Variants in SHISA6 observed in about 807,000 individuals in gnomAD.
SHISA6 encodes protein shisa-6.
In SHISA6, 22 loss-of-function variants were observed where a neutral mutation model predicts 47.9. The observed-to-expected ratio is 0.46, with a 90% CI of 0.33 to 0.66. SHISA6 has a LOEUF of 0.66. SHISA6 is among the 30% of genes least tolerant of loss of function. The pLI is 0.02. For missense variants in SHISA6, 680 were observed against 764.6 expected, an observed-to-expected ratio of 0.89 and a Z score of 1.30; for synonymous variants, 388 against 337.8, an observed-to-expected ratio of 1.15 and a Z score of -1.63.
intron 3 of SHISA6, among the ~76,000 whole-genome samples, chr17:11,424,565 C>T (rs962027348): frequency 6.6e-6 from 1 of 151,748 alleles, no homozygotes; most frequent in African/African-American, 2.4e-5. Flanking sequence ...ACTGAAGTAT[C>T]AACTCTTTGT....
At chr17:11,493,475 C>T (rs908490536) in intron 3 of SHISA6, among the ~76,000 whole-genome samples, 12 of 152,232 alleles carry the variant, frequency 7.9e-5, no homozygotes, top group African/African-American at 2.9e-4. Flanking sequence ...AATCCGCCCA[C>T]CTCGACCTCC....
chr17:11,364,155 T>C (rs527528030), intron 2 of SHISA6, among the ~76,000 whole-genome samples: 6 of 152,334 alleles, frequency 3.9e-5, no homozygotes, highest in Non-Finnish European at 7.3e-5. Context: ...TAATCTTGTG[T>C]ATATAACTTA....
chr17:11,540,570 G>A (rs1046238797), intron 3 of SHISA6, among the ~76,000 whole-genome samples: 23 of 152,154 alleles, frequency 1.5e-4, no homozygotes, highest in African/African-American at 3.9e-4. Flanking sequence ...CATACATCCT[G>A]CTAACACTTT....
At chr17:11,437,365 C>T (rs376047431) in intron 3 of SHISA6, among the ~76,000 whole-genome samples, 27 of 152,280 alleles carry the variant, frequency 1.8e-4, no homozygotes, top group African/African-American at 5.8e-4. Context: ...AGAACATTCT[C>T]GAAGTGGATC....
chr17:11,243,913 C>G (rs896468563), intron 1 of SHISA6, among the ~76,000 whole-genome samples: 2 of 152,194 alleles, frequency 1.3e-5, no homozygotes, highest in Non-Finnish European at 2.9e-5. Context: ...CTGCCCTGAC[C>G]CTTCCACCTC....
intron 3 of SHISA6, among the ~76,000 whole-genome samples, chr17:11,551,600 T>A (rs2071932237): frequency 6.6e-6 from 1 of 152,092 alleles, no homozygotes; most frequent in South Asian, 2.1e-4. Flanking sequence ...AAACACTCCC[T>A]ACTCTCCATC....
At chr17:11,363,352 A>G (rs925474305) in intron 2 of SHISA6, among the ~76,000 whole-genome samples, 1 of 152,184 alleles carries the variant, frequency 6.6e-6, no homozygotes, top group South Asian at 2.1e-4. Context: ...GAAAGGAAAG[A>G]ACATTAACCA....
At chr17:11,350,124 TG>T (rs1209087561) in intron 2 of SHISA6, among the ~76,000 whole-genome samples, 1 of 151,540 alleles carries the variant, frequency 6.6e-6, no homozygotes, top group Non-Finnish European at 1.5e-5. Flanking sequence ...CCGAAGTAGC[TG>T]GGATTACAGG....
At chr17:11,331,918 T>C (rs1331017769) in intron 2 of SHISA6, among the ~76,000 whole-genome samples, 1 of 152,136 alleles carries the variant, frequency 6.6e-6, no homozygotes, top group Admixed American at 6.6e-5. Context: ...CTCTCCTCAC[T>C]CTGTGGCTCT....
intron 3 of SHISA6, among the ~76,000 whole-genome samples, chr17:11,509,719 G>A (rs1199672755): frequency 2.6e-5 from 4 of 152,140 alleles, no homozygotes; most frequent in African/African-American, 4.8e-5. Context: ...GACTTTCCTC[G>A]GAGGAAATGG....
intron 3 of SHISA6, among the ~76,000 whole-genome samples, chr17:11,484,807 G>C (rs1406775148): frequency 6.6e-6 from 1 of 152,096 alleles, no homozygotes; most frequent in Non-Finnish European, 1.5e-5. Flanking sequence ...AGCCCAAATT[G>C]GTGAAAAATC....
At chr17:11,437,535 C>T (rs2142294478) in intron 3 of SHISA6, among the ~76,000 whole-genome samples, 2 of 152,232 alleles carry the variant, frequency 1.3e-5, no homozygotes, top group South Asian at 4.1e-4. Flanking sequence ...ATCCCAGGTT[C>T]AAGTTGTTGA....
intron 3 of SHISA6, among the ~76,000 whole-genome samples, chr17:11,420,272 T>C (rs867621102): frequency 4.5e-4 from 69 of 152,270 alleles, no homozygotes; most frequent in Middle Eastern, 3.4e-3. Flanking sequence ...GCGGGACTGG[T>C]TGTATAACAT....
At chr17:11,457,954 G>C (rs996714096) in intron 3 of SHISA6, among the ~76,000 whole-genome samples, 1 of 149,924 alleles carries the variant, frequency 6.7e-6, no homozygotes, top group Non-Finnish European at 1.5e-5. Flanking sequence ...GCTTAGTGGC[G>C]GGTGCCTGTA....
chr17:11,428,693 T>A (rs983369064), intron 3 of SHISA6, among the ~76,000 whole-genome samples: 9 of 152,146 alleles, frequency 5.9e-5, no homozygotes, highest in Non-Finnish European at 1.3e-4. Flanking sequence ...TGTGTGCCTT[T>A]GGATCATGGT....
intron 3 of SHISA6, among the ~76,000 whole-genome samples, chr17:11,490,783 G>A (rs138807757): frequency 2.2e-3 from 338 of 152,362 alleles, no homozygotes; most frequent in African/African-American, 7.6e-3. Flanking sequence ...AGGAGTCCCT[G>A]TATGGGGCTA....
intron 2 of SHISA6, among the ~76,000 whole-genome samples, chr17:11,264,037 A>G (rs938812933): frequency 1.3e-5 from 2 of 152,204 alleles, no homozygotes; most frequent in South Asian, 2.1e-4. Flanking sequence ...TTGCCATAAA[A>G]TAACAATATG....
At chr17:11,515,555 A>T (rs1328792074) in intron 3 of SHISA6, among the ~76,000 whole-genome samples, 4 of 152,068 alleles carry the variant, frequency 2.6e-5, no homozygotes. Flanking sequence ...GTAGAAAGCT[A>T]AGCAAGGTGT....
At chr17:11,475,166 A>T (rs1368273137) in intron 3 of SHISA6, among the ~76,000 whole-genome samples, 1 of 152,142 alleles carries the variant, frequency 6.6e-6, no homozygotes, top group African/African-American at 2.4e-5. Flanking sequence ...ATCACATATT[A>T]GTACCAGTTT....
Sources: gnomAD v4.1 joint callset for allele counts (sites outside exome capture counted in the v4.1 genomes callset) on GRCh38, gnomAD v4.1.1 for gene constraint, MANE v1.5 for transcripts, NCBI Gene and HGNC (gene_info 2026-07-23, HGNC 2026-07-21) for gene names.